Variants in COL12A1 observed in about 807,000 individuals in gnomAD.
COL12A1 encodes collagen alpha-1(XII) chain.
A neutral mutation model predicts 349.7 loss-of-function variants in COL12A1; 114 were observed. The observed-to-expected ratio is 0.33, with a 90% CI of 0.28 to 0.38. The LOEUF (loss-of-function observed/expected upper bound fraction) is 0.38, where lower values mean the gene tolerates loss of function less well. COL12A1 is among the 10% of genes least tolerant of loss of function. The pLI, the probability that COL12A1 is intolerant of heterozygous loss-of-function variation, is 1.00. For missense variants in COL12A1, 3,284 were observed against 3,756.9 expected (o/e 0.87, Z 3.29); for synonymous variants, 1,369 against 1,329.0 (o/e 1.03, Z -0.66).
At chr6:75,105,790 C>T (rs1434806969) in intron 53 of COL12A1, among the ~76,000 whole-genome samples, 1 of 152,094 alleles carries the variant, frequency 6.6e-6, no homozygotes, top group African/African-American at 2.4e-5. Context: ...TATATATGTC[C>T]TTATTAATTC....
chr6:75,130,582 G>C (rs773947671), intron 36 of COL12A1, among the ~76,000 whole-genome samples: 9 of 151,920 alleles, frequency 5.9e-5, no homozygotes, highest in Non-Finnish European at 2.9e-5. Context: ...AGTAGAAAGA[G>C]GGAAAAAAAG....
chr6:75,086,116 TCG>T lies in COL12A1; in HGVS notation c.*429_*430del, dbSNP rs1767475661. The T allele has an allele frequency of 6.5e-6, 1 of 152,894 alleles. No individual in the cohort carries two copies. Among genetic ancestry groups the T allele is most frequent in the African/African-American group, 2.4e-5 (1 of 41,442 alleles). 9.5% of individuals were successfully genotyped at this position (152,894 alleles called of 1,614,324 possible). A position where few individuals can be genotyped will look rare whatever the true frequency, so the allele number is the denominator to read the frequency against. On this transcript the variant is annotated 3_prime_UTR_variant, in exon 66 of 66. Transcript: ENST00000322507. ...TTGTAGAATTGTTAAGTGATTTTAG[TCG>T]ACAGGATCACATACAAATCATTTAC...
intron 36 of COL12A1, 50 bp from the exon 37 acceptor site, chr6:75,130,283 C>G (rs1766238654): frequency 1.3e-6 from 2 of 1,585,888 alleles, no homozygotes; most frequent in Non-Finnish European, 1.7e-6. Context: ...TGAGCATTAC[C>G]TAAGTCAGAT....
At chr6:75,178,845 G>C (rs1166749460) in intron 11 of COL12A1, among the ~76,000 whole-genome samples, 1 of 152,168 alleles carries the variant, frequency 6.6e-6, no homozygotes, top group Non-Finnish European at 1.5e-5. Context: ...CTCTAGAAGA[G>C]AAAGGAAGGA....
At position 75,105,308 on chromosome 6, in the gene COL12A1, G is replaced by T. The variant is rs1338603176; in HGVS notation, c.8179-16C>A. 1 of 1,602,536 alleles carries T rather than the reference G, an allele frequency of 6.2e-7. No homozygotes were observed. Among genetic ancestry groups the T allele is most frequent in the Non-Finnish European group, 8.5e-7 (1 of 1,170,814 alleles). ...CCTCATCTCTCTGAAATTTTGAAAA[G>T]AATATTTACCTTTAAATTTAGAGGA... On this transcript the variant is annotated splice_polypyrimidine_tract_variant and intron_variant, in intron 53 of 65. Coordinates refer to ENST00000322507, the MANE Select transcript of COL12A1 (RefSeq NM_004370.6).
chr6:75,182,900 A>G lies in COL12A1; in HGVS notation c.1891+150T>C, dbSNP rs1050442121. 55 of 983,418 alleles carry G rather than the reference A, an allele frequency of 5.6e-5. 1 individual carries two copies. The highest frequency in any genetic ancestry group is 6.7e-4 in the Middle Eastern group (2 of 3,004). The allele number at this position is 983,418 out of a possible 1,614,324, so 60.9% of individuals were successfully genotyped here. ...CAGGAGAAAGTCATATCTCAGAGCTAAGAAAACTAAGTTCAATAGTTTTCA... is the reference window on the plus strand; with the variant it reads ...CAGGAGAAAGTCATATCTCAGAGCTGAGAAAACTAAGTTCAATAGTTTTCA... On this transcript the variant is annotated intron_variant, in intron 10 of 65. Transcript: ENST00000322507.
chr6:75,098,431 A>T (rs1053079954), intron 58 of COL12A1, among the ~76,000 whole-genome samples: 1 of 152,178 alleles, frequency 6.6e-6, no homozygotes, highest in African/African-American at 2.4e-5. Context: ...AGGCAGGAGG[A>T]TTGCTTAAGC....
chr6:75,195,507 A>G (rs1384513866), intron 2 of COL12A1, among the ~76,000 whole-genome samples: 1 of 152,190 alleles, frequency 6.6e-6, no homozygotes, highest in Non-Finnish European at 1.5e-5. Context: ...AATATGTAGC[A>G]GAGATGAAAA....
rs636917 is a variant in COL12A1 at position 75,119,631 on chromosome 6, T to C, written c.7087-158A>G. Among the ~76,000 whole-genome samples the C allele has an allele frequency of 0.88, 133,963 of 152,260 alleles. 58,998 individuals carry two copies. The highest frequency in any genetic ancestry group is 0.9 in the Admixed American group (13,784 of 15,282). ...GCTCTTTATAGCTAATATTACAACATCTACTGCACTTGTCTCATTAAATTC... is the reference window on the plus strand; with the variant it reads ...GCTCTTTATAGCTAATATTACAACACCTACTGCACTTGTCTCATTAAATTC... On this transcript the variant is annotated intron_variant, in intron 44 of 65. Transcript: ENST00000322507.
chr6:75,128,347 C>G lies in COL12A1; in HGVS notation c.6289G>C (p.Ala2097Pro). The G allele has an allele frequency of 6.2e-7, 1 of 1,609,322 alleles. No homozygotes were observed. Among genetic ancestry groups the G allele is most frequent in the Non-Finnish European group, 8.5e-7 (1 of 1,177,780 alleles). ...CCACCATCTCCATCTTCATAAACAG[C>G]AATAACAGTAATTTTATATGGAGTG... ...PDTPYKITVI[A>P]VYEDGDGGHL... The change falls in exon 38 of 66, where the codon GCT becomes CCT. Residue 2097 changes from alanine (A) to proline (P), a missense_variant. By Grantham distance (27) the Ala-to-Pro change is conservative. Around this residue, in one of 2 missense-constraint regions of COL12A1, gnomAD observed 2,601 missense variants for 2,824.8 expected, o/e 0.92. Transcript: ENST00000322507.
intron 2 of COL12A1, among the ~76,000 whole-genome samples, chr6:75,197,441 T>C (rs1770289838): frequency 6.6e-6 from 1 of 151,846 alleles, no homozygotes. Flanking sequence ...GCCTCCTGAG[T>C]AGCAAGGATT....
At chr6:75,160,163 TGTAA>T (rs1767965695) in intron 14 of COL12A1, among the ~76,000 whole-genome samples, 1 of 152,134 alleles carries the variant, frequency 6.6e-6, no homozygotes, top group African/African-American at 2.4e-5. Flanking sequence ...CCTCTCACAT[TGTAA>T]GTTCTTTTCA....
Position 75,151,235 on chromosome 6 carries a change from A to G in COL12A1, c.4053T>C (p.Asp1351=), listed in dbSNP as rs776829103. 4 of 1,613,452 alleles carry G rather than the reference A, an allele frequency of 2.5e-6. No individual in the cohort carries two copies. The East Asian group carries it at 8.9e-5, about 36-fold the overall frequency. The change falls in exon 21 of 66, where the codon GAT becomes GAC. Residue 1351 remains aspartate, a synonymous_variant. Transcript: ENST00000322507. ...CTGCCACATTGTATGCATGGGTATC[A>G]TCAGGATCAGTTGCAATCATCTTTA... The part of the protein sequence containing the change: ...VELKMIATDP[D]DTHAYNVADF...
At chr6:75,150,766 C>A (rs914375604) in intron 21 of COL12A1, among the ~76,000 whole-genome samples, 4 of 152,044 alleles carry the variant, frequency 2.6e-5, no homozygotes, top group African/African-American at 9.7e-5. Flanking sequence ...CTCTTCCTAC[C>A]CCTTCCCATT....
intron 14 of COL12A1, among the ~76,000 whole-genome samples, chr6:75,164,906 T>G (rs578005564): frequency 6.6e-6 from 1 of 152,102 alleles, no homozygotes; most frequent in African/African-American, 2.4e-5. Context: ...GGCTTTTGAT[T>G]TGACCTTACC....
In COL12A1 at chr6:75,113,387, CTTG is replaced by C. The variant is rs752670810; in HGVS notation, c.7841-77_7841-75del. On this transcript the variant is annotated intron_variant, in intron 50 of 65. Coordinates refer to ENST00000322507, the MANE Select transcript of COL12A1 (RefSeq NM_004370.6). The stretch of plus-strand genomic sequence containing the variant: ...TTATTTAAAGTATTAGCAAATAATT[CTTG>C]TTGGAGAGATTTCTTTAAAAATATA... 211 of 1,064,266 alleles carry C rather than the reference CTTG, an allele frequency of 2.0e-4. 3 individuals are homozygous for C. In the Middle Eastern group the frequency reaches 3.0e-3, roughly 15 times the overall value. 65.9% of individuals were successfully genotyped at this position (1,064,266 alleles called of 1,614,324 possible). A position where few individuals can be genotyped will look rare whatever the true frequency, so the allele number is the denominator to read the frequency against.
intron 8 of COL12A1, among the ~76,000 whole-genome samples, chr6:75,188,022 G>GCA (rs1769725556): frequency 6.6e-6 from 1 of 152,092 alleles, no homozygotes; most frequent in African/African-American, 2.4e-5. Flanking sequence ...GTTTAAATCA[G>GCA]AGTGCAAGGT....
At chr6:75,198,834 T>C (rs1253040947) in intron 2 of COL12A1, among the ~76,000 whole-genome samples, 1 of 152,172 alleles carries the variant, frequency 6.6e-6, no homozygotes. Context: ...TAAAATATCT[T>C]GATGAACTAC....
chr6:75,105,432 T>C (rs1768503153), intron 53 of COL12A1, 140 bp from the exon 54 acceptor site: 2 of 644,278 alleles, frequency 3.1e-6, no homozygotes, highest in Non-Finnish European at 5.5e-6. Context: ...AATAGTCTTA[T>C]GTTGAAACTT....
Sources: allele counts gnomAD v4.1 joint callset (sites outside exome capture counted in the v4.1 genomes callset), GRCh38; gene constraint gnomAD v4.1.1; regional missense constraint gnomAD v4.1.1; transcripts MANE v1.5; gene names NCBI Gene and HGNC (gene_info 2026-07-23, HGNC 2026-07-21).